CUL2: variants seen among roughly 807,000 people sequenced by gnomAD.
CUL2 encodes the protein cullin-2.
In CUL2, 22 loss-of-function variants were observed where a neutral mutation model predicts 110.2. The observed-to-expected ratio is 0.20, with a 90% confidence interval of 0.14 to 0.28. The LOEUF (loss-of-function observed/expected upper bound fraction) is 0.28. Ranked by LOEUF, CUL2 falls within the 10% of genes least tolerant of loss-of-function variation. The pLI is 1.00. For missense variants in CUL2, 631 were observed against 905.5 expected (o/e 0.70, Z 3.89); for synonymous variants, 279 against 293.2 (o/e 0.95, Z 0.49).
At chr10:35,066,447 G>A (rs916798646) in intron 2 of CUL2, among the ~76,000 whole-genome samples, 11 of 149,450 alleles carry the variant, frequency 7.4e-5, no homozygotes, top group Admixed American at 2.7e-4. Flanking sequence ...ACAGTTGAGC[G>A]CCACCATGCC....
chr10:35,098,270 C>CCACTATTTGAGATAGATAACT (rs1238260757), intron 2 of CUL2: 1 of 151,936 alleles, frequency 6.6e-6, no homozygotes, highest in African/African-American at 2.4e-5. Context: ...GAGGAAAAGC[C>CCACTATTTGAGATAGATAACT]CACTATTTGA....
intron 1 of CUL2, among the ~76,000 whole-genome samples, chr10:35,109,226 A>G (rs1469802756): frequency 6.6e-6 from 1 of 152,138 alleles, no homozygotes; most frequent in East Asian, 1.9e-4. Context: ...AGCCTGGGAG[A>G]CAGAGTGAGA....
chr10:35,020,703 G>C (rs1053645617), intron 17 of CUL2, among the ~76,000 whole-genome samples: 1 of 152,104 alleles, frequency 6.6e-6, no homozygotes, highest in African/African-American at 2.4e-5. Flanking sequence ...TTTATACAAA[G>C]ACAGTGTAAT....
rs952486247 is a variant in CUL2, at chr10:35,059,344, CA to C, written c.317+1529del. On this transcript the variant is annotated intron_variant, in intron 4 of 20. Transcript: ENST00000374749. Reference sequence around the variant, plus strand: ...GTTGTCTTATTTTAAGACATTGCCACAGCCTCCCCAACCTTCAGCAACCACC... The same window carrying C: ...GTTGTCTTATTTTAAGACATTGCCACGCCTCCCCAACCTTCAGCAACCACC... 7.3e-4 allele frequency among the ~76,000 whole-genome samples: 111 copies of C among 152,300 alleles called. 1 individual carries two copies. Among genetic ancestry groups the C allele is most frequent in the African/African-American group, 2.6e-3 (108 of 41,568 alleles).
upstream of CUL2, among the ~76,000 whole-genome samples, chr10:35,091,623 CTT>C (rs58275497): frequency 6.8e-6 from 1 of 145,986 alleles, no homozygotes; most frequent in African/African-American, 2.5e-5. Context: ...ATGTCTGGTC[CTT>C]TTTTTTTTTG....
chr10:35,081,398 A>G (rs1034170612), intron 1 of CUL2, among the ~76,000 whole-genome samples: 4 of 152,100 alleles, frequency 2.6e-5, no homozygotes, highest in African/African-American at 9.7e-5. Flanking sequence ...TTGCTTTCTC[A>G]TTTTTTGTTC....
At chr10:35,071,084 A>G in intron 2 of CUL2, 115 bp downstream of exon 2, 3 of 969,908 alleles carry the variant, frequency 3.1e-6, no homozygotes, top group Non-Finnish European at 3.1e-6. Flanking sequence ...TGTAGATGAT[A>G]ATATATTAGA....
chr10:35,118,119 T>C (rs912444646), intron 1 of CUL2: 1 of 152,232 alleles, frequency 6.6e-6, no homozygotes, highest in Non-Finnish European at 1.5e-5. Flanking sequence ...AAATGTGTAA[T>C]AGCATGCATC....
At chr10:35,013,832 A>G in intron 18 of CUL2, 32 bp from the exon 19 acceptor site, 1 of 1,332,606 alleles carries the variant, frequency 7.5e-7, no homozygotes, top group African/African-American at 1.5e-5. Flanking sequence ...TTATATTTAT[A>G]AAAACCAAAA....
intron 1 of CUL2, among the ~76,000 whole-genome samples, chr10:35,087,875 A>G (rs1027617193): frequency 7.3e-5 from 1 of 13,768 alleles, no homozygotes; most frequent in Non-Finnish European, 3.5e-4. Context: ...CTTTTAATGT[A>G]TCTAAGAACA....
At chr10:35,045,724 AAAAAAT>A (rs1389696059) in intron 6 of CUL2, among the ~76,000 whole-genome samples, 11 of 152,064 alleles carry the variant, frequency 7.2e-5, no homozygotes, top group African/African-American at 9.7e-5. Flanking sequence ...CTCAAAAATT[AAAAAAT>A]AAAAATAAAA....
At chr10:35,091,541 C>G (rs2087203093), upstream of CUL2, among the ~76,000 whole-genome samples, 1 of 152,114 alleles carries the variant, frequency 6.6e-6, no homozygotes, top group South Asian at 2.1e-4. Flanking sequence ...AGTGTGGTCC[C>G]CAGACCTCTG....
chr10:35,022,189 G>A (rs1207478436), intron 17 of CUL2, among the ~76,000 whole-genome samples: 2 of 152,142 alleles, frequency 1.3e-5, no homozygotes, highest in Non-Finnish European at 2.9e-5. Flanking sequence ...TGTTCTTTGA[G>A]TTGATCAATG....
chr10:35,082,977 G>A (rs1006071801), intron 1 of CUL2, among the ~76,000 whole-genome samples: 10 of 152,004 alleles, frequency 6.6e-5, no homozygotes, highest in African/African-American at 2.2e-4. Context: ...GGCCAACATG[G>A]TGAAACCCCA....
At chr10:35,098,564 A>C (rs1204364232) in intron 2 of CUL2, among the ~76,000 whole-genome samples, 1 of 152,182 alleles carries the variant, frequency 6.6e-6, no homozygotes, top group Non-Finnish European at 1.5e-5. Flanking sequence ...GTGTGTTACC[A>C]AGAGCAAAAT....
At chr10:35,126,202 C>T (rs2087812526) in intron 1 of CUL2, among the ~76,000 whole-genome samples, 1 of 152,206 alleles carries the variant, frequency 6.6e-6, no homozygotes, top group Non-Finnish European at 1.5e-5. Context: ...ATCCTCCCAC[C>T]TTGGCCTCCC....
chr10:35,062,835 T>C, intron 3 of CUL2, 125 bp downstream of exon 3: 1 of 622,592 alleles, frequency 1.6e-6, no homozygotes, highest in Non-Finnish European at 2.8e-6. Flanking sequence ...AGACCCTGTA[T>C]TTAAAAAAAG....
At chr10:35,078,469 A>AT (rs961848345) in intron 1 of CUL2, among the ~76,000 whole-genome samples, 84 of 145,432 alleles carry the variant, frequency 5.8e-4, no homozygotes, top group Non-Finnish European at 6.7e-4. Flanking sequence ...GTAATTTTGT[A>AT]TTTTTTTTTT....
chr10:35,072,686 G>C (rs540516860), intron 1 of CUL2, among the ~76,000 whole-genome samples: 1 of 152,276 alleles, frequency 6.6e-6, no homozygotes, highest in East Asian at 1.9e-4. Flanking sequence ...GCTTTTAAGG[G>C]AGTTCAAAGA....
Sources: allele counts gnomAD v4.1 joint callset (sites outside exome capture counted in the v4.1 genomes callset), GRCh38; gene constraint gnomAD v4.1.1; transcripts MANE v1.5; gene names NCBI Gene and HGNC (gene_info 2026-07-23, HGNC 2026-07-21).